Variants in HMGB1 observed in about 807,000 individuals in gnomAD.
HMGB1 encodes the protein high mobility group box 1.
For synonymous variants in HMGB1, 81 were observed against 84.0 expected (o/e 0.96, Z 0.19); for missense variants, 79 against 253.5 (o/e 0.31, Z 4.67).
intron 3 of HMGB1, 49 bp from the exon 4 acceptor site, chr13:30,462,761 C>A: frequency 6.9e-7 from 1 of 1,455,576 alleles, no homozygotes; most frequent in Non-Finnish European, 9.6e-7. Context: ...ATCACAAAAA[C>A]AAATACTATC....
chr13:30,472,753 A>G (rs1297077937), intron 1 of HMGB1, among the ~76,000 whole-genome samples: 2 of 152,162 alleles, frequency 1.3e-5, no homozygotes, highest in Non-Finnish European at 2.9e-5. Context: ...TTTGCAAAAC[A>G]GGCCAGTTTC....
chr13:30,511,249 C>T (rs1173834194), intron 1 of HMGB1, among the ~76,000 whole-genome samples: 1 of 152,246 alleles, frequency 6.6e-6, no homozygotes, highest in East Asian at 1.9e-4. Flanking sequence ...TATTGCTTCT[C>T]TCCAAATTTC....
At chr13:30,553,953 T>G (rs1462767453) in intron 1 of HMGB1, 6 of 1,475,422 alleles carry the variant, frequency 4.1e-6, no homozygotes, top group Non-Finnish European at 4.7e-6. Flanking sequence ...TAACATGTGC[T>G]GCCATTTCTG....
intron 1 of HMGB1, among the ~76,000 whole-genome samples, chr13:30,593,044 C>A (rs534635407): frequency 6.6e-6 from 1 of 152,280 alleles, no homozygotes; most frequent in African/African-American, 2.4e-5. Context: ...CTCCCACTTA[C>A]AAGTGAGAAA....
At chr13:30,593,948 T>C (rs1441725072) in intron 1 of HMGB1, among the ~76,000 whole-genome samples, 5 of 152,246 alleles carry the variant, frequency 3.3e-5, no homozygotes, top group Non-Finnish European at 2.9e-5. Context: ...TTGAATTGAC[T>C]GACAAAACTG....
chr13:30,520,090 G>A (rs1355044004), intron 1 of HMGB1, among the ~76,000 whole-genome samples: 1 of 152,220 alleles, frequency 6.6e-6, no homozygotes, highest in Admixed American at 6.5e-5. Flanking sequence ...GGGAGGCCAA[G>A]GCAGGAGGAT....
At chr13:30,511,436 G>C (rs552072580) in intron 1 of HMGB1, among the ~76,000 whole-genome samples, 1 of 152,100 alleles carries the variant, frequency 6.6e-6, no homozygotes, top group African/African-American at 2.4e-5. Context: ...GCCATGTGAC[G>C]TGCCTGCTCC....
intron 1 of HMGB1, among the ~76,000 whole-genome samples, chr13:30,506,326 A>G (rs569038437): frequency 2.6e-5 from 4 of 152,170 alleles, no homozygotes; most frequent in Non-Finnish European, 5.9e-5. Flanking sequence ...TCAGTTGTGG[A>G]GAGGGCTACA....
intron 1 of HMGB1, among the ~76,000 whole-genome samples, chr13:30,488,097 T>C (rs553018563): frequency 6.6e-6 from 1 of 152,308 alleles, no homozygotes; most frequent in South Asian, 2.1e-4. Flanking sequence ...GATTTAAAAT[T>C]GAGGGGAGAA....
At chr13:30,525,857 G>GGA (rs904620667) in intron 1 of HMGB1, among the ~76,000 whole-genome samples, 4 of 150,712 alleles carry the variant, frequency 2.7e-5, no homozygotes, top group African/African-American at 7.4e-5. Context: ...ATGAGATTGT[G>GGA]GGGGGACACA....
intron 1 of HMGB1, among the ~76,000 whole-genome samples, chr13:30,612,598 TC>T (rs1335009973): frequency 6.6e-6 from 1 of 152,264 alleles, no homozygotes; most frequent in African/African-American, 2.4e-5. Flanking sequence ...ATTTTAAATT[TC>T]CTGGCTAAAT....
intron 1 of HMGB1, among the ~76,000 whole-genome samples, chr13:30,616,159 TAAGTCTTGTACTA>T (rs1433671072): frequency 6.6e-6 from 1 of 152,220 alleles, no homozygotes; most frequent in Admixed American, 6.5e-5. Flanking sequence ...CTTCCCTTTA[TAAGTCTTGTACTA>T]CCTTTTACAA....
At chr13:30,599,435 T>C (rs1486721849) in intron 1 of HMGB1, among the ~76,000 whole-genome samples, 2 of 152,084 alleles carry the variant, frequency 1.3e-5, no homozygotes, top group African/African-American at 4.8e-5. Flanking sequence ...GCCATTGTAC[T>C]CCAGCCTGGG....
intron 1 of HMGB1, among the ~76,000 whole-genome samples, chr13:30,571,003 T>A (rs1036700129): frequency 2.6e-5 from 4 of 152,232 alleles, no homozygotes; most frequent in Non-Finnish European, 4.4e-5. Flanking sequence ...ATAGGCCTTT[T>A]AAAAATAGTC....
chr13:30,582,364 C>T (rs973398495), intron 1 of HMGB1, among the ~76,000 whole-genome samples: 1 of 152,156 alleles, frequency 6.6e-6, no homozygotes, highest in African/African-American at 2.4e-5. Context: ...ACCAGCCGGG[C>T]GTGGTGGCTC....
At chr13:30,565,184 T>C (rs545195916) in intron 1 of HMGB1, among the ~76,000 whole-genome samples, 91 of 152,342 alleles carry the variant, frequency 6.0e-4, no homozygotes, top group African/African-American at 2.1e-3. Context: ...GCTTCCATTT[T>C]TGAATTTATA....
At chr13:30,579,561 A>C (rs987203979) in intron 1 of HMGB1, among the ~76,000 whole-genome samples, 1 of 152,224 alleles carries the variant, frequency 6.6e-6, no homozygotes, top group Non-Finnish European at 1.5e-5. Flanking sequence ...AGATAGACTG[A>C]ATTCATATCA....
At chr13:30,495,485 T>C (rs571084507) in intron 1 of HMGB1, among the ~76,000 whole-genome samples, 4 of 151,060 alleles carry the variant, frequency 2.6e-5, no homozygotes, top group South Asian at 2.1e-4. Context: ...CTTTTCTTTT[T>C]TTTTTTTTTT....
chr13:30,459,390 T>C lies in HMGB1; in HGVS notation c.*1967A>G, dbSNP rs925737498. The C allele has an allele frequency of 6.6e-6, 1 of 152,206 alleles. No individual in the cohort carries two copies. The highest frequency in any genetic ancestry group is 1.5e-5 in the Non-Finnish European group (1 of 68,028). 9.4% of individuals were successfully genotyped at this position (152,206 alleles called of 1,614,324 possible). A position where few individuals can be genotyped will look rare whatever the true frequency, so the allele number is the denominator to read the frequency against. ...GTTGTCATGACGTACCTACTAAAGTTACAAATTCTCCTTGAGCCAGAATTC... is the reference window on the plus strand; with the variant it reads ...GTTGTCATGACGTACCTACTAAAGTCACAAATTCTCCTTGAGCCAGAATTC... On this transcript the variant is annotated 3_prime_UTR_variant, in exon 5 of 5. Coordinates refer to ENST00000341423, the MANE Select transcript of HMGB1 (RefSeq NM_002128.7).
Sources: gnomAD v4.1 joint callset for allele counts (sites outside exome capture counted in the v4.1 genomes callset) on GRCh38, gnomAD v4.1.1 for gene constraint, MANE v1.5 for transcripts, NCBI Gene and HGNC (gene_info 2026-07-23, HGNC 2026-07-21) for gene names.